The following LDHC variants were observed in gnomAD, a reference collection of about 807,000 sequenced individuals.
LDHC encodes the protein lactate dehydrogenase C.
In LDHC, 20 loss-of-function variants were observed where a neutral mutation model predicts 30.2. That is an observed-to-expected ratio of 0.66 (90% CI 0.47 to 0.96). The LOEUF (loss-of-function observed/expected upper bound fraction) is 0.96. Among genes scored for constraint, LDHC ranks in the 40% least tolerant of loss-of-function variants. LDHC has a pLI of 0.00. For synonymous variants in LDHC, 139 were observed against 132.7 expected (o/e 1.05, Z -0.32); for missense variants, 362 against 394.9 (o/e 0.92, Z 0.71).
At chr11:18,446,135 G>A (rs1398800122) in intron 6 of LDHC, 75 bp from the exon 7 acceptor site, 2 of 1,242,834 alleles carry the variant, frequency 1.6e-6, no homozygotes. Flanking sequence ...CTTTAAAATG[G>A]ATGCTTGAAG....
rs552634085 is a variant in LDHC at position 18,428,805 on chromosome 11, G to A, written c.245-932G>A. Among the ~76,000 whole-genome samples, 10 of 151,814 alleles carry A rather than the reference G, an allele frequency of 6.6e-5. 2 individuals carry two copies. Among genetic ancestry groups the A allele is most frequent in the African/African-American group, 2.4e-4 (10 of 41,388 alleles). On this transcript the variant is annotated intron_variant, in intron 3 of 7. Transcript: ENST00000541669. The stretch of plus-strand genomic sequence containing the variant: ...TGGGAGAATCTCTTGAACCTGAGTG[G>A]CAGACGTTGCAGTGAGCTGAGATGG...
At position 18,451,254 on chromosome 11, in the gene LDHC, C is replaced by G. The variant is rs1848651423; in HGVS notation, c.*127C>G. ...CAAATTGGAGACCTGTGACATAACT[C>G]TAGTCTCTCAAGATTAGAACGAGCA... On this transcript the variant is annotated 3_prime_UTR_variant, in exon 8 of 8. Transcript: ENST00000541669. The G allele has an allele frequency of 1.7e-6, 1 of 580,666 alleles. No individual in the cohort carries two copies. The highest frequency in any genetic ancestry group is 2.9e-5 in the South Asian group (1 of 34,852). 36.0% of individuals were successfully genotyped at this position (580,666 alleles called of 1,614,324 possible).
chr11:18,425,116 C>T (rs73436701), intron 3 of LDHC, among the ~76,000 whole-genome samples: 22,724 of 152,028 alleles, frequency 0.15, 1,879 homozygotes, highest in African/African-American at 0.21. Flanking sequence ...GGTTGATAGA[C>T]ATAATCTGTT....
chr11:18,432,660 A>G (rs1240985913), intron 4 of LDHC, among the ~76,000 whole-genome samples: 1 of 152,162 alleles, frequency 6.6e-6, no homozygotes, highest in African/African-American at 2.4e-5. Flanking sequence ...AGGTGCATAT[A>G]TGTTTAGGAC....
intron 7 of LDHC, among the ~76,000 whole-genome samples, chr11:18,446,674 A>G (rs1221788091): frequency 6.6e-6 from 1 of 152,196 alleles, no homozygotes; most frequent in African/African-American, 2.4e-5. Context: ...GTACTCAGAC[A>G]ATATTATGAG....
chr11:18,449,797 G>T (rs900796795), intron 7 of LDHC, among the ~76,000 whole-genome samples: 1 of 152,178 alleles, frequency 6.6e-6, no homozygotes, highest in Non-Finnish European at 1.5e-5. Context: ...CCCCAGAGAT[G>T]GTGAGAGGGA....
chr11:18,429,949 T>C (rs1460755728), intron 4 of LDHC, 39 bp downstream of exon 4: 2 of 1,273,728 alleles, frequency 1.6e-6, no homozygotes, highest in Non-Finnish European at 1.1e-6. Context: ...ATAAGGATGA[T>C]CTTTCCATAC....
intron 2 of LDHC, among the ~76,000 whole-genome samples, chr11:18,413,162 A>G (rs1237321636): frequency 3.3e-5 from 5 of 149,882 alleles, no homozygotes; most frequent in African/African-American, 1.2e-4. Context: ...GCCCACTGCA[A>G]CCTCCACCTC....
intron 3 of LDHC, among the ~76,000 whole-genome samples, chr11:18,428,527 A>G (rs1045163818): frequency 6.6e-6 from 1 of 151,920 alleles, no homozygotes; most frequent in African/African-American, 2.4e-5. Context: ...ATTTTAACTA[A>G]TTTTTTACAT....
At chr11:18,418,533 G>A (rs975631253) in intron 3 of LDHC, among the ~76,000 whole-genome samples, 1 of 151,876 alleles carries the variant, frequency 6.6e-6, no homozygotes, top group Non-Finnish European at 1.5e-5. Flanking sequence ...AGGTTCAAGA[G>A]ATTCTCCTGC....
At position 18,450,669 on chromosome 11, in the gene LDHC, G is replaced by T. The variant is rs545052184; in HGVS notation, c.835-294G>T. ...TGATAAAATGGCATCATGAAAGACC[G>T]CATGGCATCCTTTCCCGTGGACCAA... On this transcript the variant is annotated intron_variant, in intron 7 of 7. Transcript: ENST00000541669. 7 of 245,284 alleles carry T rather than the reference G, an allele frequency of 2.9e-5. No homozygotes were observed. In the South Asian group the frequency reaches 4.0e-4, roughly 14 times the overall value. The allele number at this position is 245,284 out of a possible 1,614,324, so 15.2% of individuals were successfully genotyped here.
chr11:18,440,350 TAAAAC>T (rs1848443964), intron 6 of LDHC, among the ~76,000 whole-genome samples: 1 of 151,796 alleles, frequency 6.6e-6, no homozygotes, highest in Admixed American at 6.6e-5. Flanking sequence ...AATAAAATAA[TAAAAC>T]AAAAATGTGT....
At chr11:18,448,932 C>T (rs1848602596) in intron 7 of LDHC, among the ~76,000 whole-genome samples, 1 of 152,062 alleles carries the variant, frequency 6.6e-6, no homozygotes, top group South Asian at 2.1e-4. Context: ...CACACAGGGC[C>T]AGGCTTGGTC....
At chr11:18,444,324 A>G (rs1219051846) in intron 6 of LDHC, among the ~76,000 whole-genome samples, 1 of 152,050 alleles carries the variant, frequency 6.6e-6, no homozygotes, top group Non-Finnish European at 1.5e-5. Context: ...TCTGTCATCC[A>G]GATTCAACTG....
intron 6 of LDHC, among the ~76,000 whole-genome samples, chr11:18,443,674 G>T (rs1411116821): frequency 6.6e-6 from 1 of 152,032 alleles, no homozygotes; most frequent in Non-Finnish European, 1.5e-5. Context: ...TGCCCAGGCT[G>T]GTCTCAAACT....
intron 3 of LDHC, among the ~76,000 whole-genome samples, chr11:18,422,049 G>A (rs1031979557): frequency 1.3e-5 from 2 of 151,814 alleles, no homozygotes; most frequent in East Asian, 1.9e-4. Context: ...ACTTCAACCC[G>A]GCAGGTGGAG....
chr11:18,415,895 A>G (rs1385123180), intron 3 of LDHC, among the ~76,000 whole-genome samples: 2 of 151,974 alleles, frequency 1.3e-5, no homozygotes, highest in African/African-American at 2.4e-5. Flanking sequence ...GTTTCACTAT[A>G]TGTTGGCCAG....
At chr11:18,444,603 G>GGTATGTAT (rs1848518289) in intron 6 of LDHC, among the ~76,000 whole-genome samples, 2 of 75,594 alleles carry the variant, frequency 2.6e-5, no homozygotes, top group South Asian at 1.2e-3. Context: ...GTGTTCAGGT[G>GGTATGTAT]GTATATATAT....
intron 3 of LDHC, among the ~76,000 whole-genome samples, chr11:18,424,684 A>G (rs988897725): frequency 6.6e-6 from 1 of 152,240 alleles, no homozygotes; most frequent in African/African-American, 2.4e-5. Flanking sequence ...TTAAGGGAAT[A>G]CATGCCTTAT....
Sources: allele counts gnomAD v4.1 joint callset (sites outside exome capture counted in the v4.1 genomes callset), GRCh38; gene constraint gnomAD v4.1.1; transcripts MANE v1.5; gene names NCBI Gene and HGNC (gene_info 2026-07-23, HGNC 2026-07-21).